The following TDRD10 variants were observed in gnomAD, a reference collection of about 807,000 sequenced individuals.
TDRD10 encodes tudor domain-containing protein 10.
Under a neutral mutation model 48.0 loss-of-function variants are expected in TDRD10, and 40 were observed. That is an observed-to-expected ratio of 0.83 (90% CI 0.65 to 1.09). The LOEUF is 1.09. Among genes scored for constraint, TDRD10 ranks in the 50% least tolerant of loss-of-function variants. The pLI, the probability that TDRD10 is intolerant of heterozygous loss-of-function variation, is 0.00. For missense variants in TDRD10, 378 were observed against 434.7 expected, an observed-to-expected ratio of 0.87 and a Z score of 1.16; for synonymous variants, 162 against 170.4, an observed-to-expected ratio of 0.95 and a Z score of 0.38.
intron 4 of TDRD10, among the ~76,000 whole-genome samples, chr1:154,513,835 C>G (rs532679789): frequency 2.6e-5 from 4 of 152,304 alleles, no homozygotes; most frequent in African/African-American, 9.6e-5. Context: ...GACCTGATTT[C>G]TAGAACAATT....
intron 6 of TDRD10, among the ~76,000 whole-genome samples, chr1:154,535,270 G>A (rs1347589654): frequency 6.6e-6 from 1 of 152,020 alleles, no homozygotes; most frequent in Admixed American, 6.6e-5. Flanking sequence ...GGGAGGCTGA[G>A]GCAGGAGAAT....
intron 6 of TDRD10, among the ~76,000 whole-genome samples, chr1:154,537,880 A>G (rs1695008293): frequency 6.6e-6 from 1 of 152,180 alleles, no homozygotes; most frequent in African/African-American, 2.4e-5. Context: ...AGAGCTGTTG[A>G]TTGATCTGGG....
At chr1:154,543,903 G>C in intron 8 of TDRD10, 60 bp from the exon 9 acceptor site, 2 of 1,599,898 alleles carry the variant, frequency 1.3e-6, no homozygotes, top group Non-Finnish European at 1.7e-6. Context: ...TGGTCCAGTC[G>C]TTCCTTTCCT....
chr1:154,536,928 C>T (rs1694951011), intron 6 of TDRD10, among the ~76,000 whole-genome samples: 1 of 152,150 alleles, frequency 6.6e-6, no homozygotes, highest in African/African-American at 2.4e-5. Flanking sequence ...TAAAGGGACC[C>T]TTTAGAACCC....
At chr1:154,532,596 C>T (rs540212847) in intron 6 of TDRD10, among the ~76,000 whole-genome samples, 6 of 152,316 alleles carry the variant, frequency 3.9e-5, no homozygotes, top group South Asian at 2.1e-4. Flanking sequence ...GCACCGAGAG[C>T]GAGCGAGGGC....
intron 8 of TDRD10, 127 bp from the exon 9 acceptor site, chr1:154,543,836 C>G: frequency 7.1e-7 from 1 of 1,403,848 alleles, no homozygotes; most frequent in Non-Finnish European, 9.7e-7. Context: ...GTGGGCACAG[C>G]CTTTCTGCTT....
At chr1:154,528,511 T>A (rs1002078249) in intron 6 of TDRD10, among the ~76,000 whole-genome samples, 1 of 151,904 alleles carries the variant, frequency 6.6e-6, no homozygotes, top group Non-Finnish European at 1.5e-5. Flanking sequence ...AGGTGTGAGA[T>A]GCTGCACCCT....
intron 6 of TDRD10, among the ~76,000 whole-genome samples, chr1:154,524,853 C>A (rs6427716): frequency 0.79 from 119,420 of 152,056 alleles, 47,628 homozygotes; most frequent in East Asian, 0.92. Context: ...TAAGGCCTCC[C>A]GGTACTTGTC....
intron 6 of TDRD10, among the ~76,000 whole-genome samples, chr1:154,525,895 C>CAAAAAA (rs59844127): frequency 1.9e-5 from 1 of 52,982 alleles, no homozygotes; most frequent in Non-Finnish European, 3.4e-5. Flanking sequence ...GATTCCGTCT[C>CAAAAAA]AAAAAAAAAA....
At chr1:154,538,791 TGC>T (rs1695061921) in intron 6 of TDRD10, among the ~76,000 whole-genome samples, 1 of 101,044 alleles carries the variant, frequency 9.9e-6, no homozygotes. Flanking sequence ...AGGCAGAGCT[TGC>T]AGTGAGCCTA....
chr1:154,525,036 G>T (rs868486088), intron 6 of TDRD10, among the ~76,000 whole-genome samples: 1 of 152,154 alleles, frequency 6.6e-6, no homozygotes, highest in Non-Finnish European at 1.5e-5. Context: ...GTTTCCCTTT[G>T]CTGTGGTTTG....
At chr1:154,547,586 T>C in intron 12 of TDRD10, 92 bp from the exon 13 acceptor site, 1 of 1,614,236 alleles carries the variant, frequency 6.2e-7, no homozygotes, top group East Asian at 2.2e-5. Context: ...CCTGGCATTC[T>C]TTTAGATCAA....
chr1:154,515,300 C>G (rs1326263657), intron 4 of TDRD10, among the ~76,000 whole-genome samples: 1 of 152,114 alleles, frequency 6.6e-6, no homozygotes, highest in Non-Finnish European at 1.5e-5. Context: ...ACCCAGCCAG[C>G]TCTTCTTGCT....
At chr1:154,503,942 G>T (rs1259889139) in intron 1 of TDRD10, among the ~76,000 whole-genome samples, 2 of 152,118 alleles carry the variant, frequency 1.3e-5, no homozygotes, top group East Asian at 3.8e-4. Flanking sequence ...AGTATATTTG[G>T]TGTGTTTACA....
At chr1:154,514,076 G>A (rs1693622994) in intron 4 of TDRD10, among the ~76,000 whole-genome samples, 1 of 152,188 alleles carries the variant, frequency 6.6e-6, no homozygotes, top group Non-Finnish European at 1.5e-5. Flanking sequence ...TGTAATCCCA[G>A]CTACTCAGGA....
chr1:154,533,975 C>G (rs1694792185), intron 6 of TDRD10, among the ~76,000 whole-genome samples: 1 of 151,786 alleles, frequency 6.6e-6, no homozygotes, highest in Non-Finnish European at 1.5e-5. Flanking sequence ...GGCAAGCAAT[C>G]CTCGTGTCTC....
intron 7 of TDRD10, among the ~76,000 whole-genome samples, chr1:154,542,454 C>T (rs1390317522): frequency 6.6e-6 from 1 of 152,166 alleles, no homozygotes; most frequent in East Asian, 1.9e-4. Context: ...TCTTAAACTC[C>T]TTGCCTTAAG....
intron 4 of TDRD10, among the ~76,000 whole-genome samples, chr1:154,519,493 G>T (rs753445494): frequency 2.0e-5 from 3 of 152,160 alleles, no homozygotes; most frequent in Non-Finnish European, 4.4e-5. Flanking sequence ...GTATTGAGGG[G>T]TGCAGGCAGG....
At chr1:154,508,317 C>A (rs1488671754) in intron 3 of TDRD10, 106 bp from the exon 4 acceptor site, 2 of 771,718 alleles carry the variant, frequency 2.6e-6, no homozygotes, top group Non-Finnish European at 4.5e-6. Context: ...GAATTTGAGA[C>A]CAGACTGGGC....
Sources: allele counts gnomAD v4.1 joint callset (sites outside exome capture counted in the v4.1 genomes callset), GRCh38; gene constraint gnomAD v4.1.1; transcripts MANE v1.5; gene names NCBI Gene and HGNC (gene_info 2026-07-23, HGNC 2026-07-21).